Variants in PGM3 observed in about 807,000 individuals in gnomAD.
PGM3 encodes phosphoacetylglucosamine mutase.
PGM3 carries 40 observed loss-of-function variants against 66.2 expected under a neutral mutation model. The ratio of observed to expected loss-of-function variants is 0.60; its 90% CI spans 0.47 to 0.79. The LOEUF is 0.79. Ranked by LOEUF, PGM3 falls within the 30% of genes least tolerant of loss-of-function variation. PGM3 has a pLI of 0.00. For synonymous variants in PGM3, 191 were observed against 224.2 expected (o/e 0.85, Z 1.32); for missense variants, 537 against 643.4 (o/e 0.83, Z 1.79).
downstream of PGM3, chr6:83,164,785 C>T: frequency 7.3e-7 from 1 of 1,366,108 alleles, no homozygotes; most frequent in Non-Finnish European, 1.0e-6. Flanking sequence ...GACACAAACC[C>T]AGGTCTGAAT....
chr6:83,166,301 AATT>A lies in PGM3; in HGVS notation c.*2930_*2932del, dbSNP rs528716593. ...GAGGATCAGCTTCGATGATGTTCTC[AATT>A]GGTCATTATCAATTTCCGATGACTG... On this transcript the variant is annotated 3_prime_UTR_variant, in exon 13 of 13. Coordinates refer to ENST00000513973, the MANE Select transcript of PGM3 (RefSeq NM_015599.3). 129 of 639,298 alleles carry A rather than the reference AATT, an allele frequency of 2.0e-4. No individual in the cohort carries two copies. Among genetic ancestry groups the A allele is most frequent in the Non-Finnish European group, 3.2e-4 (112 of 354,922 alleles). 39.6% of individuals were successfully genotyped at this position (639,298 alleles called of 1,614,324 possible).
chr6:83,186,052 T>G (rs1038761618), intron 4 of PGM3, among the ~76,000 whole-genome samples: 4 of 152,146 alleles, frequency 2.6e-5, no homozygotes, highest in Admixed American at 2.6e-4. Flanking sequence ...CACAGCCCCC[T>G]CTGAGTATCT....
chr6:83,158,433 C>T (rs1783361337), downstream of PGM3: 2 of 735,866 alleles, frequency 2.7e-6, no homozygotes, highest in Non-Finnish European at 4.5e-6. Flanking sequence ...CCTTCAGAAA[C>T]TAAGTATAAT....
chr6:83,169,642 G>A (rs1786663764), intron 12 of PGM3: 1 of 470,234 alleles, frequency 2.1e-6, no homozygotes, highest in Admixed American at 2.4e-5. Flanking sequence ...AAGTACTAAT[G>A]CCTCTGTTGC....
chr6:83,153,155 T>G, the PGM3 span, among the ~76,000 whole-genome samples: 3 of 67,476 alleles, frequency 4.4e-5, no homozygotes, highest in East Asian at 4.2e-4. Flanking sequence ...CAATTGTTTG[T>G]TTTTTTTTCC....
the PGM3 span, chr6:83,153,559 C>T: frequency 1.2e-6 from 2 of 1,609,252 alleles, no homozygotes; most frequent in Non-Finnish European, 1.7e-6. Context: ...TGAAAAGGAG[C>T]GGGTTATTCC....
chr6:83,177,450 A>G (rs1447094987), intron 8 of PGM3, among the ~76,000 whole-genome samples: 1 of 152,162 alleles, frequency 6.6e-6, no homozygotes, highest in Admixed American at 6.5e-5. Context: ...CTCTCCAAAA[A>G]AAAAAGAAGG....
chr6:83,183,078 T>C (rs1788315337), intron 4 of PGM3, 100 bp from the exon 5 acceptor site: 1 of 1,056,244 alleles, frequency 9.5e-7, no homozygotes. Context: ...ACAAATCCTT[T>C]TGTGTCATCT....
At chr6:83,152,217 C>G in the PGM3 span, 1 of 781,436 alleles carries the variant, frequency 1.3e-6, no homozygotes, top group South Asian at 2.1e-5. Flanking sequence ...ATAATACACA[C>G]ACACACACAC....
chr6:83,179,053 G>A lies in PGM3; in HGVS notation c.946-297C>T, dbSNP rs534172. ...TGGCCAGGCACGGTGGCTCACGCCT[G>A]TAATCCCAGCACTCTGGGAGGCCAA... is the stretch of plus-strand genomic sequence containing the variant. On this transcript the variant is annotated intron_variant, in intron 7 of 12. Transcript: ENST00000513973. 0.22 allele frequency among the ~76,000 whole-genome samples: 34,102 copies of A among 152,062 alleles called. 3,912 individuals are homozygous for A. The highest frequency in any genetic ancestry group is 0.24 in the Non-Finnish European group (16,225 of 67,964).
At chr6:83,181,705 A>G in intron 6 of PGM3, 31 bp downstream of exon 6, 7 of 1,519,096 alleles carry the variant, frequency 4.6e-6, no homozygotes, top group Non-Finnish European at 6.2e-6. Context: ...GAGCATTAAA[A>G]ACAAATTTTT....
Position 83,166,856 on chromosome 6 carries a change from C to A in PGM3, c.*2378G>T. The A allele has an allele frequency of 1.0e-6, 1 of 997,648 alleles. No individual in the cohort carries two copies. Among genetic ancestry groups the A allele is most frequent in the Non-Finnish European group, 1.2e-6 (1 of 838,432 alleles). 61.8% of individuals were successfully genotyped at this position (997,648 alleles called of 1,614,324 possible). A position where few individuals can be genotyped will look rare whatever the true frequency, so the allele number is the denominator to read the frequency against. On this transcript the variant is annotated 3_prime_UTR_variant, in exon 13 of 13. Transcript: ENST00000513973. The stretch of plus-strand genomic sequence containing the variant: ...AACATCTGATCTTAGAAGGCAAACT[C>A]CATTTGTTAATATGACAGATTGTAA...
At chr6:83,158,739 T>C, downstream of PGM3, 2 of 727,190 alleles carry the variant, frequency 2.8e-6, no homozygotes, top group Non-Finnish European at 4.5e-6. Context: ...TATTATTATC[T>C]AATTGATTAC....
At chr6:83,157,901 G>A (rs1783174778), downstream of PGM3, among the ~76,000 whole-genome samples, 1 of 152,176 alleles carries the variant, frequency 6.6e-6, no homozygotes, top group African/African-American at 2.4e-5. Flanking sequence ...AGTTAGGAAA[G>A]AGGAATGAGT....
In PGM3 at chr6:83,190,713, T is replaced by C. The variant is rs549099026; in HGVS notation, c.204+96A>G. ...ACATATAAATGAGAAGGCACATTCC[T>C]AGAATTAGAATTTGTACTTTAGGTC... On this transcript the variant is annotated intron_variant, in intron 2 of 12. Transcript: ENST00000513973. 1.7e-4 allele frequency: 163 copies of C among 978,850 alleles called. 1 individual carries two copies. The African/African-American group carries it at 2.3e-3, about 14-fold the overall frequency. The allele number at this position is 978,850 out of a possible 1,614,324, so 60.6% of individuals were successfully genotyped here. A position where few individuals can be genotyped will look rare whatever the true frequency, so the allele number is the denominator to read the frequency against.
the PGM3 span, chr6:83,155,803 C>T: frequency 2.3e-6 from 2 of 859,992 alleles, no homozygotes; most frequent in Non-Finnish European, 3.4e-6. Flanking sequence ...TGTTTGCCAG[C>T]CTGTCTGCCC....
rs952702867 is a variant in PGM3, at chr6:83,191,232, C to T, written c.-2-218G>A. ...TGGTATGTCCACTCCTGGGCAGACT[C>T]AGGGCAGATAGCAGATTGTCCCCAC... On this transcript the variant is annotated intron_variant, in intron 1 of 12. Transcript: ENST00000513973. 11 of 1,535,264 alleles carry T rather than the reference C, an allele frequency of 7.2e-6. No homozygotes were observed. Among genetic ancestry groups the T allele is most frequent in the South Asian group, 5.9e-5 (5 of 84,050 alleles).
chr6:83,179,687 T>C, intron 7 of PGM3, 123 bp downstream of exon 7: 1 of 708,002 alleles, frequency 1.4e-6, no homozygotes. Flanking sequence ...CTTTTTTTAA[T>C]TTTCTGCCCA....
At chr6:83,157,700 G>T (rs1783117181), downstream of PGM3, among the ~76,000 whole-genome samples, 1 of 152,156 alleles carries the variant, frequency 6.6e-6, no homozygotes, top group Non-Finnish European at 1.5e-5. Flanking sequence ...GGATTTAACT[G>T]CTCTGACATA....
Sources: gnomAD v4.1 joint callset for allele counts (sites outside exome capture counted in the v4.1 genomes callset) on GRCh38, gnomAD v4.1.1 for gene constraint, MANE v1.5 for transcripts, NCBI Gene and HGNC (gene_info 2026-07-23, HGNC 2026-07-21) for gene names.